NPAS3: variants seen among roughly 807,000 people sequenced by gnomAD.
The protein encoded by NPAS3 is neuronal PAS domain-containing protein 3.
In NPAS3, 14 loss-of-function variants were observed where a neutral mutation model predicts 73.1. That is an observed-to-expected ratio of 0.19 (90% CI 0.13 to 0.30). The LOEUF (loss-of-function observed/expected upper bound fraction) is 0.30, where lower values mean the gene tolerates loss of function less well. Among genes scored for constraint, NPAS3 ranks in the 10% least tolerant of loss-of-function variants. NPAS3 has a pLI of 1.00. For synonymous variants in NPAS3, 620 were observed against 541.5 expected (o/e 1.14, Z -2.01); for missense variants, 1,096 against 1,250.0 (o/e 0.88, Z 1.86).
intron 4 of NPAS3, among the ~76,000 whole-genome samples, chr14:33,512,891 A>G (rs1265624779): frequency 2.0e-5 from 3 of 152,086 alleles, no homozygotes. Context: ...ATATTTTTAA[A>G]GTGCCATTTC....
rs1179220362 is a variant in NPAS3, at chr14:33,006,441, CACA to C, written c.51-49457_51-49455del. On this transcript the variant is annotated intron_variant, in intron 1 of 11. Coordinates refer to ENST00000356141, the Ensembl canonical transcript of NPAS3. ...CCACCCCTCTTCCATATTCTTTCCA[CACA>C]ACAACAGCGCTACCAACAAATTATC... Among the ~76,000 whole-genome samples, 6 of 152,124 alleles carry C rather than the reference CACA, an allele frequency of 3.9e-5. No homozygotes were observed. The South Asian group carries it at 6.2e-4, about 16-fold the overall frequency.
At chr14:33,680,332 T>C (rs909027313) in intron 6 of NPAS3, among the ~76,000 whole-genome samples, 1 of 152,182 alleles carries the variant, frequency 6.6e-6, no homozygotes, top group Non-Finnish European at 1.5e-5. Context: ...TGTAAAAGTG[T>C]TGTGTTTTAC....
chr14:33,298,260 A>G lies in NPAS3; in HGVS notation c.386-68926A>G, dbSNP rs1048727471. 3.9e-5 allele frequency among the ~76,000 whole-genome samples: 6 copies of G among 152,166 alleles called. No individual in the cohort carries two copies. In the South Asian group the frequency reaches 8.3e-4, roughly 21 times the overall value. On this transcript the variant is annotated intron_variant, in intron 3 of 11. Coordinates refer to ENST00000356141, the Ensembl canonical transcript of NPAS3. ...ATCGTACCACCGCGCTCCAGCCTGG[A>G]TGACAGAGGGAGCCTCCATCTCAAA...
intron 4 of NPAS3, among the ~76,000 whole-genome samples, chr14:33,396,944 C>T (rs2047249383): frequency 6.6e-6 from 1 of 151,910 alleles, no homozygotes; most frequent in Non-Finnish European, 1.5e-5. Flanking sequence ...CCATTGTGAC[C>T]TTCTTTATAT....
At chr14:33,233,524 C>T (rs1193441775) in intron 3 of NPAS3, among the ~76,000 whole-genome samples, 2 of 151,988 alleles carry the variant, frequency 1.3e-5, no homozygotes, top group Non-Finnish European at 2.9e-5. Flanking sequence ...ATCATTTATA[C>T]TGACAAAAAG....
At chr14:33,466,985 T>A (rs1326650886) in intron 4 of NPAS3, among the ~76,000 whole-genome samples, 1 of 152,214 alleles carries the variant, frequency 6.6e-6, no homozygotes, top group Non-Finnish European at 1.5e-5. Flanking sequence ...AAGTTTCATG[T>A]CTAATATATT....
chr14:33,039,554 C>T (rs2040282112), intron 1 of NPAS3, among the ~76,000 whole-genome samples: 1 of 152,164 alleles, frequency 6.6e-6, no homozygotes. Flanking sequence ...GAAATCGATA[C>T]ACTATCTTTC....
chr14:33,598,877 C>T (rs1168475652), intron 5 of NPAS3, among the ~76,000 whole-genome samples: 1 of 152,184 alleles, frequency 6.6e-6, no homozygotes, highest in East Asian at 1.9e-4. Flanking sequence ...ATTAGAATGG[C>T]ATTAAATATT....
chr14:33,795,180 A>G (rs1452183299), intron 10 of NPAS3, among the ~76,000 whole-genome samples: 1 of 152,236 alleles, frequency 6.6e-6, no homozygotes, highest in Non-Finnish European at 1.5e-5. Flanking sequence ...CATATCAATC[A>G]GACACTAATG....
chr14:33,436,136 AGG>A (rs2048979033), intron 4 of NPAS3, among the ~76,000 whole-genome samples: 1 of 152,196 alleles, frequency 6.6e-6, no homozygotes, highest in African/African-American at 2.4e-5. Context: ...TAGTCATAGA[AGG>A]GGAGTGGTGG....
At chr14:33,656,976 A>C (rs2059161994) in intron 5 of NPAS3, among the ~76,000 whole-genome samples, 1 of 152,158 alleles carries the variant, frequency 6.6e-6, no homozygotes, top group African/African-American at 2.4e-5. Context: ...AATCAACCTA[A>C]GGGTTCATCA....
At position 33,445,724 on chromosome 14, in the gene NPAS3, C is replaced by T. The variant is rs79893646; in HGVS notation, c.468+78456C>T. 5.2e-3 allele frequency among the ~76,000 whole-genome samples: 792 copies of T among 152,318 alleles called. 4 individuals are homozygous for T. The highest frequency in any genetic ancestry group is 9.1e-3 in the Admixed American group (139 of 15,306). On this transcript the variant is annotated intron_variant, in intron 4 of 11. Coordinates refer to ENST00000356141, the Ensembl canonical transcript of NPAS3. The stretch of plus-strand genomic sequence containing the variant: ...CTATAACTACCATTTATTCTCTCTT[C>T]AAGTCAACCTACTTGAATAGGAATT...
At chr14:33,285,990 C>T (rs1416863696) in intron 3 of NPAS3, among the ~76,000 whole-genome samples, 1 of 152,196 alleles carries the variant, frequency 6.6e-6, no homozygotes, top group Non-Finnish European at 1.5e-5. Flanking sequence ...CATAGCACCC[C>T]TTACACTGTT....
chr14:33,611,771 G>A (rs550687825), intron 5 of NPAS3, among the ~76,000 whole-genome samples: 2 of 152,168 alleles, frequency 1.3e-5, no homozygotes, highest in East Asian at 1.9e-4. Context: ...AAGTAAAATT[G>A]GCCACATTGT....
At chr14:33,039,793 A>G (rs2040290789) in intron 1 of NPAS3, among the ~76,000 whole-genome samples, 1 of 152,250 alleles carries the variant, frequency 6.6e-6, no homozygotes, top group South Asian at 2.1e-4. Flanking sequence ...CAGGCATGGT[A>G]CATGTGCAGA....
chr14:33,498,937 T>A (rs61974986), intron 4 of NPAS3, among the ~76,000 whole-genome samples: 680 of 36,690 alleles, frequency 0.019, 2 homozygotes, highest in African/African-American at 0.024. Flanking sequence ...AGAGAGAGAG[T>A]GTGTGTGTGT....
At chr14:33,653,086 G>A (rs1456969696) in intron 5 of NPAS3, among the ~76,000 whole-genome samples, 3 of 152,180 alleles carry the variant, frequency 2.0e-5, no homozygotes, top group Non-Finnish European at 2.9e-5. Context: ...CTTCCATTTT[G>A]CCTTTAACAC....
At chr14:33,189,446 C>T (rs1355539765) in intron 2 of NPAS3, among the ~76,000 whole-genome samples, 6 of 152,172 alleles carry the variant, frequency 3.9e-5, no homozygotes, top group Admixed American at 2.6e-4. Flanking sequence ...AGCCCCATGG[C>T]GGCCTTTGTT....
intron 1 of NPAS3, among the ~76,000 whole-genome samples, chr14:32,948,561 G>GT (rs1163235536): frequency 6.6e-6 from 1 of 152,050 alleles, no homozygotes; most frequent in African/African-American, 2.4e-5. Context: ...GCAGCCATCA[G>GT]TTTACGAGCA....
Sources: allele counts gnomAD v4.1 joint callset (sites outside exome capture counted in the v4.1 genomes callset), GRCh38; gene constraint gnomAD v4.1.1; transcripts MANE v1.5; gene names NCBI Gene and HGNC (gene_info 2026-07-23, HGNC 2026-07-21).